Variants in MAN2A1 observed in about 807,000 individuals in gnomAD.
MAN2A1 encodes the protein mannosidase alpha class 2A member 1.
In MAN2A1, 76 loss-of-function variants were observed where a neutral mutation model predicts 142.6. The ratio of observed to expected loss-of-function variants is 0.53; its 90% CI spans 0.44 to 0.65. The LOEUF (loss-of-function observed/expected upper bound fraction) is 0.65, where lower values mean the gene tolerates loss of function less well. Among genes scored for constraint, MAN2A1 ranks in the 30% least tolerant of loss-of-function variants. The probability of loss-of-function intolerance (pLI) is 0.00; values close to 1 mark genes in which losing one functional copy is unlikely to be tolerated. For missense variants in MAN2A1, 1,311 were observed against 1,365.1 expected, an observed-to-expected ratio of 0.96 and a Z score of 0.62; for synonymous variants, 559 against 473.2, an observed-to-expected ratio of 1.18 and a Z score of -2.35.
At chr5:109,736,280 C>G (rs1752095889) in intron 4 of MAN2A1, among the ~76,000 whole-genome samples, 1 of 152,120 alleles carries the variant, frequency 6.6e-6, no homozygotes, top group African/African-American at 2.4e-5. Context: ...AGTTTGCAAC[C>G]TTTTAAACAT....
intron 6 of MAN2A1, among the ~76,000 whole-genome samples, chr5:109,769,253 T>C (rs1422844349): frequency 6.6e-6 from 1 of 152,174 alleles, no homozygotes; most frequent in East Asian, 1.9e-4. Context: ...TTTTAATAGT[T>C]TTAAATTTGG....
At chr5:109,752,328 A>G (rs912869497) in intron 4 of MAN2A1, among the ~76,000 whole-genome samples, 3 of 152,188 alleles carry the variant, frequency 2.0e-5, no homozygotes, top group Non-Finnish European at 2.9e-5. Context: ...GCTTCTTCTA[A>G]TATAAAAACT....
At chr5:109,866,164 A>G (rs1419142117) in intron 21 of MAN2A1, among the ~76,000 whole-genome samples, 2 of 152,100 alleles carry the variant, frequency 1.3e-5, no homozygotes, top group Non-Finnish European at 2.9e-5. Context: ...CTTTTTTATT[A>G]TACTGTATTT....
chr5:109,711,672 C>G lies in MAN2A1; in HGVS notation c.136-1848C>G, dbSNP rs181194586. On this transcript the variant is annotated intron_variant, in intron 1 of 21. Coordinates refer to ENST00000261483, the MANE Select transcript of MAN2A1 (RefSeq NM_002372.4). ...ATTTGAGCCCTGAACTAGTGTTGCA[C>G]TCATCTCCCATTTCCTTTGCTTTGC... 1.3e-3 allele frequency among the ~76,000 whole-genome samples: 193 copies of G among 152,320 alleles called. No individual in the cohort carries two copies. The Middle Eastern group carries it at 0.017, about 13-fold the overall frequency.
intron 20 of MAN2A1, among the ~76,000 whole-genome samples, chr5:109,857,736 C>G (rs188352975): frequency 6.6e-6 from 1 of 152,286 alleles, no homozygotes; most frequent in Admixed American, 6.5e-5. Context: ...AATCACTTCT[C>G]AGATGAAAAA....
At chr5:109,707,821 G>A (rs148117307) in intron 1 of MAN2A1, among the ~76,000 whole-genome samples, 2 of 152,162 alleles carry the variant, frequency 1.3e-5, no homozygotes, top group African/African-American at 4.8e-5. Flanking sequence ...TGATTTTGAG[G>A]GTGCCTAACT....
chr5:109,846,066 T>G (rs1009697862), intron 18 of MAN2A1, 60 bp downstream of exon 18: 2 of 1,472,948 alleles, frequency 1.4e-6, no homozygotes, highest in East Asian at 2.5e-5. Context: ...TGTATACTTT[T>G]TCTGTTGGTC....
chr5:109,800,964 G>A (rs1490080485), intron 12 of MAN2A1, among the ~76,000 whole-genome samples: 4 of 152,124 alleles, frequency 2.6e-5, no homozygotes, highest in Non-Finnish European at 2.9e-5. Flanking sequence ...GAATCATCTC[G>A]CATTCATTGT....
chr5:109,844,750 T>C (rs919563896), intron 17 of MAN2A1, among the ~76,000 whole-genome samples: 1 of 152,210 alleles, frequency 6.6e-6, no homozygotes, highest in Admixed American at 6.5e-5. Context: ...TCTACCTCTT[T>C]TGTCATACAG....
In MAN2A1 at chr5:109,817,283, G is replaced by T; in HGVS notation, c.1954G>T (p.Val652Phe). 6.2e-7 allele frequency: 1 copy of T among 1,613,614 alleles called. No homozygotes were observed. Among genetic ancestry groups the T allele is most frequent in the African/African-American group, 1.3e-5 (1 of 75,000 alleles). The change falls in exon 13 of 22, where the codon GTC (valine) becomes TTC (phenylalanine). Residue 652 changes from valine (V) to phenylalanine (F), a missense_variant. Physicochemically the swap from Val to Phe is conservative, Grantham distance 50. Coordinates refer to ENST00000261483, the MANE Select transcript of MAN2A1 (RefSeq NM_002372.4). The stretch of plus-strand genomic sequence containing the variant: ...CAGCTGTTTTTGCAGGTACCTTGTG[G>T]TCTATAATCCTTTAGAACAAGACCG... ...RLSAEPRYLV[V>F]YNPLEQDRIS...
At chr5:109,864,477 G>A (rs948722094) in intron 20 of MAN2A1, 1 of 152,186 alleles carries the variant, frequency 6.6e-6, no homozygotes, top group African/African-American at 2.4e-5. Flanking sequence ...TGGTAAATGT[G>A]AGCTGGCCTA....
Position 109,847,685 on chromosome 5 carries a change from A to C in MAN2A1, c.2871A>C (p.Arg957Ser). 1.3e-6 allele frequency: 2 copies of C among 1,588,316 alleles called. No individual in the cohort carries two copies. Among genetic ancestry groups the C allele is most frequent in the Non-Finnish European group, 1.7e-6 (2 of 1,167,670 alleles). Residue 957 changes from arginine to serine, a missense_variant, in exon 19 of 22, where the codon AGA becomes AGC. Physicochemically the swap from Arg to Ser is moderately radical, Grantham distance 110. This residue lies in a region of MAN2A1 where 890 missense variants were observed against 920.5 expected (regional missense o/e 0.97). Coordinates refer to ENST00000261483, the MANE Select transcript of MAN2A1 (RefSeq NM_002372.4). ...SGQIEVIMDR[R>S]LMQDDNRGLE... ...AGATTGAAGTTATCATGGATCGAAG[A>C]CTCATGCAAGATGATAATCGTGGCC... is the stretch of plus-strand genomic sequence containing the variant.
At chr5:109,788,219 G>GAAA (rs5870389) in intron 10 of MAN2A1, among the ~76,000 whole-genome samples, 2 of 144,688 alleles carry the variant, frequency 1.4e-5, no homozygotes, top group East Asian at 2.0e-4. Flanking sequence ...ACTGAATTAG[G>GAAA]AAAAAAAAAA....
chr5:109,815,391 G>A (rs1258569093), intron 12 of MAN2A1, among the ~76,000 whole-genome samples: 4 of 152,104 alleles, frequency 2.6e-5, no homozygotes, highest in Non-Finnish European at 4.4e-5. Context: ...AGGAGGATTC[G>A]TTGCTCTTTG....
intron 5 of MAN2A1, among the ~76,000 whole-genome samples, chr5:109,766,843 A>T (rs1753006262): frequency 1.3e-5 from 2 of 151,990 alleles, no homozygotes; most frequent in African/African-American, 4.8e-5. Context: ...TATCTTTTTC[A>T]TTTTTATTTT....
At chr5:109,770,761 A>G (rs977178770) in intron 7 of MAN2A1, among the ~76,000 whole-genome samples, 1 of 152,128 alleles carries the variant, frequency 6.6e-6, no homozygotes, top group African/African-American at 2.4e-5. Flanking sequence ...AGATCAATAT[A>G]CAATGGATAA....
chr5:109,713,217 A>G (rs1380769432), intron 1 of MAN2A1, among the ~76,000 whole-genome samples: 1 of 152,294 alleles, frequency 6.6e-6, no homozygotes, highest in East Asian at 1.9e-4. Flanking sequence ...GGACCCAAAG[A>G]TATTTTAGGA....
rs1046824162 is a variant in MAN2A1 at position 109,746,694 on chromosome 5, G to C, written c.708-8635G>C. ...ATTACAACATTTACATCATTGTGCA[G>C]CTGTTACTACCATCCATCTCTAGAA... On this transcript the variant is annotated intron_variant, in intron 4 of 21. Transcript: ENST00000261483. Among the ~76,000 whole-genome samples the C allele has an allele frequency of 2.0e-5, 3 of 151,166 alleles. No individual in the cohort carries two copies. In the East Asian group the frequency reaches 5.9e-4, roughly 30 times the overall value.
intron 4 of MAN2A1, among the ~76,000 whole-genome samples, chr5:109,733,926 CAGAAGGAATGGTA>C (rs1398318770): frequency 1.3e-5 from 2 of 152,006 alleles, no homozygotes; most frequent in African/African-American, 4.8e-5. Context: ...GGAATAGTTT[CAGAAGGAATGGTA>C]CCAGTTCCTC....
Sources: gnomAD v4.1 joint callset for allele counts (sites outside exome capture counted in the v4.1 genomes callset) on GRCh38, gnomAD v4.1.1 for gene constraint, gnomAD v4.1.1 regional missense constraint, MANE v1.5 for transcripts, NCBI Gene and HGNC (gene_info 2026-07-23, HGNC 2026-07-21) for gene names.